Variants in FGF18 observed in about 807,000 individuals in gnomAD.
FGF18 encodes fibroblast growth factor 18.
In FGF18, 5 loss-of-function variants were observed where a neutral mutation model predicts 23.0. The observed-to-expected ratio is 0.22, with a 90% CI of 0.11 to 0.46. The LOEUF is 0.46. Among genes scored for constraint, FGF18 ranks in the 20% least tolerant of loss-of-function variants. FGF18 has a pLI of 0.99. For synonymous variants in FGF18, 117 were observed against 118.9 expected, an observed-to-expected ratio of 0.98 and a Z score of 0.10; for missense variants, 180 against 291.6, an observed-to-expected ratio of 0.62 and a Z score of 2.79.
chr5:171,420,953 C>T (rs796986708), intron 2 of FGF18, among the ~76,000 whole-genome samples: 108 of 152,320 alleles, frequency 7.1e-4, no homozygotes, highest in African/African-American at 2.5e-3. Flanking sequence ...ATGCCCGGGA[C>T]GAGGGGAAGC....
At chr5:171,450,112 G>A (rs772674064) in intron 4 of FGF18, among the ~76,000 whole-genome samples, 3 of 151,778 alleles carry the variant, frequency 2.0e-5, no homozygotes, top group Admixed American at 2.0e-4. Flanking sequence ...AGGTGGAGTG[G>A]GGTGGAGGGT....
Position 171,451,626 on chromosome 5 carries a change from A to G in FGF18, c.357+2373A>G, listed in dbSNP as rs1772511005. ...CACATACGGCATTGGAGGGCGGCAC[A>G]TGACCTGCCCTCCACCCCCACCCAG... On this transcript the variant is annotated intron_variant, in intron 4 of 4. Coordinates refer to ENST00000274625, the MANE Select transcript of FGF18 (RefSeq NM_003862.3). This position sits in a 1 kb window ranked among gnomAD's most constrained non-coding sequence, Gnocchi z 4.5. 6.6e-6 allele frequency among the ~76,000 whole-genome samples: 1 copy of G among 152,064 alleles called. No individual in the cohort carries two copies. The highest frequency in any genetic ancestry group is 1.5e-5 in the Non-Finnish European group (1 of 67,994).
chr5:171,453,633 T>C (rs1581281106), intron 4 of FGF18, among the ~76,000 whole-genome samples: 2 of 152,294 alleles, frequency 1.3e-5, no homozygotes, highest in Admixed American at 6.5e-5. Context: ...GATTTGCTTC[T>C]GAGCTCTGCT....
At position 171,431,021 on chromosome 5, in the gene FGF18, T is replaced by G. The variant is rs112810015; in HGVS notation, c.70-5072T>G. On this transcript the variant is annotated intron_variant, in intron 2 of 4. Transcript: ENST00000274625. ...GTGTGGTGTGTGTACATAGGTGATG[T>G]GTGATGTGACGCACATTTGTGGAAG... Among the ~76,000 whole-genome samples the G allele has an allele frequency of 1.2e-3, 182 of 152,104 alleles. 1 individual carries two copies. Among genetic ancestry groups the G allele is most frequent in the African/African-American group, 4.2e-3 (175 of 41,502 alleles).
Position 171,456,188 on chromosome 5 carries a change from T to A in FGF18, c.358-351T>A, listed in dbSNP as rs1772577130. Among the ~76,000 whole-genome samples the A allele has an allele frequency of 6.6e-6, 1 of 152,118 alleles. No homozygotes were observed. On this transcript the variant is annotated intron_variant, in intron 4 of 4. Transcript: ENST00000274625. This position sits in a 1 kb window ranked among gnomAD's most constrained non-coding sequence, Gnocchi z 6.1. Reference sequence around the variant, plus strand: ...CCCTGCTAAGTCAGTTTAGCAAGGATCCCCCACTCTTGATATATGATCAGG... The same window carrying A: ...CCCTGCTAAGTCAGTTTAGCAAGGAACCCCCACTCTTGATATATGATCAGG...
At chr5:171,452,731 T>C (rs1304916328) in intron 4 of FGF18, among the ~76,000 whole-genome samples, 1 of 152,194 alleles carries the variant, frequency 6.6e-6, no homozygotes, top group African/African-American at 2.4e-5. Context: ...TGGGGCAACA[T>C]AGAGCCACAG....
At chr5:171,435,735 T>C (rs1286091767) in intron 2 of FGF18, among the ~76,000 whole-genome samples, 1 of 152,156 alleles carries the variant, frequency 6.6e-6, no homozygotes, top group Admixed American at 6.5e-5. Flanking sequence ...TCCTCACAGC[T>C]ACCCTGGGAT....
At chr5:171,447,885 A>G (rs1772441976) in intron 3 of FGF18, among the ~76,000 whole-genome samples, 1 of 152,056 alleles carries the variant, frequency 6.6e-6, no homozygotes, top group African/African-American at 2.4e-5. Flanking sequence ...AGGGGCTAGG[A>G]AGCAAGGGGT....
chr5:171,419,758 C>T lies in FGF18; in HGVS notation c.-442C>T, dbSNP rs1040749069. 1.3e-5 allele frequency: 2 copies of T among 151,658 alleles called. No homozygotes were observed. Among genetic ancestry groups the T allele is most frequent in the African/African-American group, 4.8e-5 (2 of 41,372 alleles). 9.4% of individuals were successfully genotyped at this position (151,658 alleles called of 1,614,324 possible). A position where few individuals can be genotyped will look rare whatever the true frequency, so the allele number is the denominator to read the frequency against. On this transcript the variant is annotated 5_prime_UTR_variant, in exon 1 of 5. Transcript: ENST00000274625. ...CGCGCTGCAGCCGCGCGCCCCGACC[C>T]CGGAGCGCTGACCCCTGGCCCCACG...
chr5:171,451,910 C>T lies in FGF18; in HGVS notation c.357+2657C>T, dbSNP rs1004397477. On this transcript the variant is annotated intron_variant, in intron 4 of 4. Transcript: ENST00000274625. The surrounding 1 kb of genome is among the most constrained non-coding windows in gnomAD (Gnocchi z 4.5). Reference sequence around the variant, plus strand: ...CCCACCCCGGAGCCCCACAGTCCCTCGCACAGCCCTCTGTTGCCTGTCTGC... The same window carrying T: ...CCCACCCCGGAGCCCCACAGTCCCTTGCACAGCCCTCTGTTGCCTGTCTGC... Among the ~76,000 whole-genome samples the T allele has an allele frequency of 2.2e-4, 33 of 152,152 alleles. No homozygotes were observed. The highest frequency in any genetic ancestry group is 7.5e-4 in the African/African-American group (31 of 41,446).
chr5:171,431,931 C>G (rs753247664), intron 2 of FGF18, among the ~76,000 whole-genome samples: 1 of 152,078 alleles, frequency 6.6e-6, no homozygotes, highest in Non-Finnish European at 1.5e-5. Context: ...ACCTGTAATC[C>G]CAGCTACTCG....
At chr5:171,450,644 C>T (rs569154477) in intron 4 of FGF18, among the ~76,000 whole-genome samples, 12 of 152,184 alleles carry the variant, frequency 7.9e-5, no homozygotes, top group Non-Finnish European at 1.0e-4. Flanking sequence ...AGCGCGGCTC[C>T]GGGATGCCGA....
intron 4 of FGF18, among the ~76,000 whole-genome samples, chr5:171,454,873 C>T (rs1458163575): frequency 1.3e-5 from 2 of 152,212 alleles, no homozygotes; most frequent in African/African-American, 4.8e-5. Context: ...TCTTCCCCAT[C>T]GAGCAATTCG....
At chr5:171,443,500 CATTTTTTTTTTTTT>C (rs1424980606) in intron 3 of FGF18, among the ~76,000 whole-genome samples, 6 of 70,468 alleles carry the variant, frequency 8.5e-5, no homozygotes, top group Admixed American at 6.6e-4. Flanking sequence ...CTGTTATCAT[CATTTTTTTTTTTTT>C]TTTTTTTTTT....
intron 3 of FGF18, among the ~76,000 whole-genome samples, chr5:171,438,969 G>A (rs1772295173): frequency 6.6e-6 from 1 of 152,094 alleles, no homozygotes; most frequent in Admixed American, 6.5e-5. Context: ...AATCTGAGAT[G>A]TACCACACAC....
chr5:171,423,273 C>T (rs937165507), intron 2 of FGF18, among the ~76,000 whole-genome samples: 10 of 152,230 alleles, frequency 6.6e-5, no homozygotes, highest in African/African-American at 1.7e-4. Flanking sequence ...CTTCTCCACA[C>T]GACTCAGGAC....
In FGF18 at chr5:171,440,246, C is replaced by T. The variant is rs554150474; in HGVS notation, c.250+3973C>T. ...TGTGTGGGGGGGGGTGGTGCCATCG[C>T]GGGCTCAGGTGAGGAACTGCCATCA... On this transcript the variant is annotated intron_variant, in intron 3 of 4. Transcript: ENST00000274625. The surrounding 1 kb of genome is among the most constrained non-coding windows in gnomAD (Gnocchi z 4.0). 4.0e-4 allele frequency among the ~76,000 whole-genome samples: 61 copies of T among 152,054 alleles called. 1 individual carries two copies. The highest frequency in any genetic ancestry group is 1.4e-3 in the African/African-American group (56 of 41,462).
rs369529295 is a variant in FGF18 at position 171,456,332 on chromosome 5, A to G, written c.358-207A>G. ...ACACCCTCGATGTTTCCTCTTAGTC[A>G]TTTTCCACTCTGCTCCTTGGCTATA... On this transcript the variant is annotated intron_variant, in intron 4 of 4. Transcript: ENST00000274625. This position sits in a 1 kb window ranked among gnomAD's most constrained non-coding sequence, Gnocchi z 6.1. Among the ~76,000 whole-genome samples the G allele has an allele frequency of 2.0e-5, 3 of 151,656 alleles. No homozygotes were observed. The South Asian group carries it at 6.3e-4, about 32-fold the overall frequency.
chr5:171,430,230 C>T (rs1322489044), intron 2 of FGF18, among the ~76,000 whole-genome samples: 6 of 151,872 alleles, frequency 4.0e-5, no homozygotes, highest in African/African-American at 9.7e-5. Flanking sequence ...CGGTGGCAGG[C>T]GCCTGTAATC....
Sources: gnomAD v4.1 joint callset for allele counts (sites outside exome capture counted in the v4.1 genomes callset) on GRCh38, gnomAD v4.1.1 for gene constraint, Gnocchi (gnomAD v3.1) non-coding constraint, MANE v1.5 for transcripts, NCBI Gene and HGNC (gene_info 2026-07-23, HGNC 2026-07-21) for gene names.